The following GASK1A variants were observed in gnomAD, a reference collection of about 807,000 sequenced individuals.
The protein encoded by GASK1A is Golgi-associated kinase 1A.
In GASK1A, 40 loss-of-function variants were observed where a neutral mutation model predicts 41.2. The ratio of observed to expected loss-of-function variants is 0.97; its 90% CI spans 0.75 to 1.27. GASK1A has a LOEUF of 1.27. Ranked by LOEUF, GASK1A falls within the 50% of genes most tolerant of loss-of-function variation. The pLI, the probability that GASK1A is intolerant of heterozygous loss-of-function variation, is 0.00. For synonymous variants in GASK1A, 316 were observed against 307.1 expected, an observed-to-expected ratio of 1.03 and a Z score of -0.30; for missense variants, 678 against 745.1, an observed-to-expected ratio of 0.91 and a Z score of 1.05.
chr3:43,033,486 A>G lies in GASK1A; in HGVS notation c.1223A>G (p.Gln408Arg). ...GCACACAGCTGCAACTGGCCAGGCC[A>G]GGCCCCGTGCCCGGGCATCCACCAT... ...LLAHSCNWPG[Q>R]APCPGIHHTE... The change falls in exon 2 of 5, where the codon CAG becomes CGG. Residue 408 changes from glutamine (Q) to arginine (R), a missense_variant. Gln to Arg is a conservative substitution (Grantham distance 43). Transcript: ENST00000430121. 2.6e-6 allele frequency: 4 copies of G among 1,550,444 alleles called. No individual in the cohort carries two copies. Among genetic ancestry groups the G allele is most frequent in the Non-Finnish European group, 3.5e-6 (4 of 1,146,764 alleles).
chr3:42,988,748 T>C (rs2089325823), intron 1 of GASK1A, among the ~76,000 whole-genome samples: 1 of 152,220 alleles, frequency 6.6e-6, no homozygotes, highest in East Asian at 1.9e-4. Flanking sequence ...AGTGCTGTTT[T>C]CTGCTGGCCT....
chr3:43,026,322 G>A (rs1478808002), intron 1 of GASK1A, among the ~76,000 whole-genome samples: 3 of 152,158 alleles, frequency 2.0e-5, no homozygotes, highest in Admixed American at 6.5e-5. Context: ...AAATTCCACC[G>A]GGGTTCTACA....
intron 1 of GASK1A, among the ~76,000 whole-genome samples, chr3:42,985,146 G>A (rs989338709): frequency 3.4e-4 from 51 of 152,148 alleles, no homozygotes; most frequent in African/African-American, 1.2e-3. Context: ...GGGAAAAGGA[G>A]GAAGATAGAA....
chr3:42,995,177 T>G (rs575810884), intron 1 of GASK1A, among the ~76,000 whole-genome samples: 1 of 152,304 alleles, frequency 6.6e-6, no homozygotes, highest in Admixed American at 6.5e-5. Context: ...AATCCGCCTA[T>G]GTTTCGTTTC....
At chr3:43,016,949 A>C (rs1336744961) in intron 1 of GASK1A, among the ~76,000 whole-genome samples, 1 of 147,730 alleles carries the variant, frequency 6.8e-6, no homozygotes, top group African/African-American at 2.5e-5. Context: ...AAGTCCCAGA[A>C]AGGGGCTGTG....
intron 2 of GASK1A, chr3:43,037,087 C>G: frequency 3.2e-6 from 2 of 633,950 alleles, no homozygotes; most frequent in Non-Finnish European, 5.5e-6. Context: ...GGGTGCTGAC[C>G]CTGCGATTGC....
At chr3:43,002,708 T>C (rs1281888061) in intron 1 of GASK1A, among the ~76,000 whole-genome samples, 6 of 152,232 alleles carry the variant, frequency 3.9e-5, no homozygotes, top group Non-Finnish European at 8.8e-5. Context: ...GATAATATTT[T>C]TTATATATCA....
At chr3:43,019,479 C>T (rs554520864) in intron 1 of GASK1A, among the ~76,000 whole-genome samples, 3 of 152,328 alleles carry the variant, frequency 2.0e-5, no homozygotes, top group African/African-American at 7.2e-5. Context: ...CTGAGTTCCT[C>T]CTAGGACTGG....
chr3:43,048,387 G>A (rs1038644845), intron 2 of GASK1A, among the ~76,000 whole-genome samples: 4 of 152,134 alleles, frequency 2.6e-5, no homozygotes. Flanking sequence ...GACCATGAGG[G>A]GTTTCTATCT....
chr3:43,005,712 G>T, intron 1 of GASK1A, among the ~76,000 whole-genome samples: 1 of 152,190 alleles, frequency 6.6e-6, no homozygotes, highest in East Asian at 1.9e-4. Flanking sequence ...GTAGGCTGGG[G>T]TTGCTAAGAT....
intron 2 of GASK1A, among the ~76,000 whole-genome samples, chr3:43,051,089 G>T (rs941905830): frequency 1.3e-5 from 2 of 151,718 alleles, no homozygotes; most frequent in Non-Finnish European, 2.9e-5. Flanking sequence ...ATATTTTTTT[G>T]TTGAAAACTG....
At chr3:42,990,282 C>T (rs1156614798) in intron 1 of GASK1A, among the ~76,000 whole-genome samples, 2 of 149,652 alleles carry the variant, frequency 1.3e-5, no homozygotes, top group South Asian at 2.1e-4. Flanking sequence ...CCCAGGAGGT[C>T]GAGGGTGCAG....
intron 2 of GASK1A, among the ~76,000 whole-genome samples, chr3:43,049,941 C>G (rs2089680813): frequency 6.8e-6 from 1 of 145,998 alleles, no homozygotes; most frequent in Non-Finnish European, 1.5e-5. Flanking sequence ...CACTTTTATG[C>G]TATTCTTGTC....
intron 1 of GASK1A, among the ~76,000 whole-genome samples, chr3:43,016,341 G>A (rs1319171481): frequency 2.0e-5 from 3 of 151,946 alleles, no homozygotes; most frequent in Admixed American, 1.3e-4. Flanking sequence ...CAGGCTGTGT[G>A]AAGCCACAGG....
At position 43,033,497 on chromosome 3, in the gene GASK1A, C is replaced by G; in HGVS notation, c.1234C>G (p.Pro412Ala). The stretch of plus-strand genomic sequence containing the variant: ...CAACTGGCCAGGCCAGGCCCCGTGC[C>G]CGGGCATCCACCATACCGAGTGGGC... ...SCNWPGQAPC[P>A]GIHHTEWARL... The change falls in exon 2 of 5, where the codon CCG becomes GCG. Residue 412 changes from proline to alanine, a missense_variant. By Grantham distance (27) the Pro-to-Ala change is conservative. Coordinates refer to ENST00000430121, the MANE Select transcript of GASK1A (RefSeq NM_001129908.3). 2 of 1,549,944 alleles carry G rather than the reference C, an allele frequency of 1.3e-6. No homozygotes were observed. The highest frequency in any genetic ancestry group is 1.7e-6 in the Non-Finnish European group (2 of 1,146,502).
Position 43,035,707 on chromosome 3 carries a change from A to G in GASK1A, c.1290+2154A>G, listed in dbSNP as rs549906267. On this transcript the variant is annotated intron_variant, in intron 2 of 4. Transcript: ENST00000430121. ...TTCTGGATGCAAGGTCATTCATGTAATGTACTTAGTACAGTGCCTGGCGGG... is the reference window on the plus strand; with the variant it reads ...TTCTGGATGCAAGGTCATTCATGTAGTGTACTTAGTACAGTGCCTGGCGGG... 3.3e-5 allele frequency among the ~76,000 whole-genome samples: 5 copies of G among 152,328 alleles called. No individual in the cohort carries two copies. The South Asian group carries it at 6.2e-4, about 19-fold the overall frequency.
chr3:43,028,484 G>A (rs953716146), intron 1 of GASK1A, among the ~76,000 whole-genome samples: 8 of 152,092 alleles, frequency 5.3e-5, no homozygotes, highest in Non-Finnish European at 1.2e-4. Flanking sequence ...AATATGTATG[G>A]CATATCAAGT....
At chr3:43,009,030 C>T (rs1473668205) in intron 1 of GASK1A, among the ~76,000 whole-genome samples, 5 of 152,136 alleles carry the variant, frequency 3.3e-5, no homozygotes. Flanking sequence ...AAAATGTATG[C>T]AAGGCTCTGT....
chr3:43,012,264 G>C (rs2089467449), intron 1 of GASK1A, among the ~76,000 whole-genome samples: 1 of 150,210 alleles, frequency 6.7e-6, no homozygotes, highest in East Asian at 2.0e-4. Flanking sequence ...GGAAGGGGCA[G>C]TGTGAGGTCA....
Sources: allele counts gnomAD v4.1 joint callset (sites outside exome capture counted in the v4.1 genomes callset), GRCh38; gene constraint gnomAD v4.1.1; transcripts MANE v1.5; gene names NCBI Gene and HGNC (gene_info 2026-07-23, HGNC 2026-07-21).